TLN2: variants seen among roughly 807,000 people sequenced by gnomAD.
TLN2 encodes the protein talin-2.
Under a neutral mutation model 294.7 loss-of-function variants are expected in TLN2, and 118 were observed. The observed-to-expected ratio is 0.40, with a 90% CI of 0.34 to 0.47. TLN2 has a LOEUF of 0.47. Among genes scored for constraint, TLN2 ranks in the 20% least tolerant of loss-of-function variants. The pLI is 0.84. For synonymous variants in TLN2, 1,431 were observed against 1,304.5 expected, an observed-to-expected ratio of 1.10 and a Z score of -2.09; for missense variants, 3,083 against 3,282.2, an observed-to-expected ratio of 0.94 and a Z score of 1.48.
chr15:62,522,974 ACACACT>A (rs147002638), intron 1 of TLN2, among the ~76,000 whole-genome samples: 12,250 of 142,390 alleles, frequency 0.086, 1,304 homozygotes, highest in African/African-American at 0.26. Context: ...ACACACACAC[ACACACT>A]CTCTCACTCA....
chr15:62,549,475 GCCATGCAT>G (rs1555427551), intron 1 of TLN2, among the ~76,000 whole-genome samples: 1 of 125,212 alleles, frequency 8.0e-6, no homozygotes, highest in South Asian at 2.9e-4. Flanking sequence ...TGCCATGCAT[GCCATGCAT>G]CCATCCATCC....
intron 12 of TLN2, among the ~76,000 whole-genome samples, chr15:62,689,318 T>C (rs2057575827): frequency 6.6e-6 from 1 of 152,180 alleles, no homozygotes; most frequent in South Asian, 2.1e-4. Context: ...GTATAATTAT[T>C]TAAATATTTT....
At chr15:62,509,780 C>T (rs1290044645) in intron 1 of TLN2, among the ~76,000 whole-genome samples, 1 of 152,144 alleles carries the variant, frequency 6.6e-6, no homozygotes, top group South Asian at 2.1e-4. Flanking sequence ...GTTGGGCTTG[C>T]CTGAGCCACC....
chr15:62,418,971 G>A (rs1481080945), intron 1 of TLN2, among the ~76,000 whole-genome samples: 3 of 152,146 alleles, frequency 2.0e-5, no homozygotes, highest in Non-Finnish European at 2.9e-5. Context: ...GGGCTCAGAG[G>A]CCTGACAGAA....
At chr15:62,612,929 A>G (rs368483978) in intron 2 of TLN2, among the ~76,000 whole-genome samples, 71 of 152,354 alleles carry the variant, frequency 4.7e-4, no homozygotes, top group African/African-American at 1.6e-3. Flanking sequence ...AGAACTGGAA[A>G]GGAATGCCAG....
chr15:62,829,739 T>A (rs1450499683), intron 54 of TLN2: 1 of 152,154 alleles, frequency 6.6e-6, no homozygotes, highest in Non-Finnish European at 1.5e-5. Flanking sequence ...ATGTAGTAGG[T>A]CTTATTCTAT....
intron 33 of TLN2, among the ~76,000 whole-genome samples, chr15:62,748,948 G>T (rs901334413): frequency 1.3e-5 from 2 of 152,184 alleles, no homozygotes; most frequent in Non-Finnish European, 2.9e-5. Context: ...GATGGCTGTG[G>T]GGCCCCTAAG....
chr15:62,704,184 A>G (rs1318205525), intron 19 of TLN2, among the ~76,000 whole-genome samples: 2 of 152,112 alleles, frequency 1.3e-5, no homozygotes, highest in Admixed American at 1.3e-4. Flanking sequence ...CTTAGAAGAA[A>G]TCACAAAAAA....
intron 1 of TLN2, among the ~76,000 whole-genome samples, chr15:62,451,826 G>C (rs544228527): frequency 7.9e-5 from 12 of 152,282 alleles, no homozygotes; most frequent in African/African-American, 2.9e-4. Flanking sequence ...TCTTTTGATG[G>C]TACATATCAA....
intron 1 of TLN2, among the ~76,000 whole-genome samples, chr15:62,565,839 C>G (rs1461862357): frequency 6.6e-6 from 1 of 152,092 alleles, no homozygotes; most frequent in East Asian, 1.9e-4. Context: ...GACAGAGAAA[C>G]TGGCATTTGG....
At chr15:62,796,667 G>T (rs377736791) in intron 47 of TLN2, among the ~76,000 whole-genome samples, 2 of 152,292 alleles carry the variant, frequency 1.3e-5, no homozygotes, top group African/African-American at 4.8e-5. Context: ...GGGGCTCAAA[G>T]CCCCTATCTC....
At chr15:62,771,677 G>A (rs551703359) in intron 42 of TLN2, among the ~76,000 whole-genome samples, 1 of 152,366 alleles carries the variant, frequency 6.6e-6, no homozygotes, top group South Asian at 2.1e-4. Context: ...GAAGAAGAGA[G>A]AATAGCATAT....
chr15:62,814,754 G>A (rs1044235704), intron 52 of TLN2, among the ~76,000 whole-genome samples: 2 of 152,216 alleles, frequency 1.3e-5, no homozygotes, highest in African/African-American at 4.8e-5. Context: ...AACAGTATTC[G>A]GTCACCTAAA....
chr15:62,739,275 C>T (rs2061189609), intron 30 of TLN2, 73 bp from the exon 31 acceptor site: 4 of 1,511,286 alleles, frequency 2.6e-6, no homozygotes, highest in South Asian at 2.6e-5. Flanking sequence ...TGTCTCCCTT[C>T]CACAATACCT....
intron 1 of TLN2, among the ~76,000 whole-genome samples, chr15:62,574,278 T>C (rs1346435276): frequency 1.3e-5 from 2 of 151,906 alleles, no homozygotes; most frequent in Non-Finnish European, 2.9e-5. Context: ...CCTGGAAGGC[T>C]TTTAAAAAAC....
In TLN2 at chr15:62,675,261, C is replaced by T. The variant is rs1457132612; in HGVS notation, c.897C>T (p.Val299=). Residue 299 remains valine, a synonymous_variant, in exon 11 of 59, where the codon GTC becomes GTT. Coordinates refer to ENST00000636159, the MANE Select transcript of TLN2 (RefSeq NM_015059.3). ...AGATGAGTGAGATAGAAGCCAAGGT[C>T]AAGTACGTCAAACTCGCACGGTCCC... is the stretch of plus-strand genomic sequence containing the variant. The part of the protein sequence containing the change: ...CGEMSEIEAK[V]KYVKLARSLR... The T allele has an allele frequency of 1.2e-6, 2 of 1,614,132 alleles. No individual in the cohort carries two copies. The highest frequency in any genetic ancestry group is 4.5e-5 in the East Asian group (2 of 44,902).
chr15:62,508,932 G>C (rs529975794), intron 1 of TLN2, among the ~76,000 whole-genome samples: 2 of 152,294 alleles, frequency 1.3e-5, no homozygotes, highest in East Asian at 3.9e-4. Context: ...GTGATAGTAA[G>C]AGTTACATTT....
At chr15:62,692,262 CTT>C (rs1001746837) in intron 12 of TLN2, among the ~76,000 whole-genome samples, 5 of 152,204 alleles carry the variant, frequency 3.3e-5, no homozygotes, top group Non-Finnish European at 7.3e-5. Context: ...AGCTGAGTCT[CTT>C]TAAGCCACTG....
Position 62,736,155 on chromosome 15 carries a change from A to T in TLN2, c.3359-723A>T, listed in dbSNP as rs980334333. Among the ~76,000 whole-genome samples, 31 of 152,044 alleles carry T rather than the reference A, an allele frequency of 2.0e-4. 1 individual carries two copies. The highest frequency in any genetic ancestry group is 2.0e-3 in the Admixed American group (30 of 15,270). On this transcript the variant is annotated intron_variant, in intron 28 of 58. Coordinates refer to ENST00000636159, the MANE Select transcript of TLN2 (RefSeq NM_015059.3). ...GTGAAACCCCGTCTCTACTAAAAAA[A>T]GAAAATACAAAAAAATTAGCCGGGC...
Sources: gnomAD v4.1 joint callset for allele counts (sites outside exome capture counted in the v4.1 genomes callset) on GRCh38, gnomAD v4.1.1 for gene constraint, MANE v1.5 for transcripts, NCBI Gene and HGNC (gene_info 2026-07-23, HGNC 2026-07-21) for gene names.